GADL1: variants seen among roughly 807,000 people sequenced by gnomAD.
GADL1 encodes the protein GAD like acidic amino acid decarboxylase 1, also known as acidic amino acid decarboxylase GADL1.
In GADL1, 71 loss-of-function variants were observed where a neutral mutation model predicts 69.5. The observed-to-expected ratio is 1.02, with a 90% CI of 0.84 to 1.25. The LOEUF (loss-of-function observed/expected upper bound fraction) is 1.25, where lower values mean the gene tolerates loss of function less well. Among genes scored for constraint, GADL1 ranks in the 50% most tolerant of loss-of-function variants. GADL1 has a pLI of 0.00. For missense variants in GADL1, 737 were observed against 631.8 expected (o/e 1.17, Z -1.79); for synonymous variants, 254 against 214.4 (o/e 1.18, Z -1.62).
chr3:30,848,596 T>C (rs1181737351), intron 6 of GADL1, among the ~76,000 whole-genome samples: 1 of 152,018 alleles, frequency 6.6e-6, no homozygotes, highest in Non-Finnish European at 1.5e-5. Flanking sequence ...GCCAAGAACC[T>C]GGGTGATGAA....
At position 30,805,734 on chromosome 3, in the gene GADL1, C is replaced by CTTTTTTTTTTT. The variant is rs34788058; in HGVS notation, c.1051-4657_1051-4647dup. Among the ~76,000 whole-genome samples the CTTTTTTTTTTT allele has an allele frequency of 2.7e-4, 18 of 66,094 alleles. 1 individual carries two copies. The highest frequency in any genetic ancestry group is 1.3e-3 in the African/African-American group (15 of 11,838). 43.4% of individuals were successfully genotyped at this position (66,094 alleles called of 152,430 possible). A position where few individuals can be genotyped will look rare whatever the true frequency, so the allele number is the denominator to read the frequency against. ...ATTCTGTGCACCAGCAGTCCCCAGC[C>CTTTTTTTTTTT]TTTTTTTTTTTTTTTTTTTTTTTTG... On this transcript the variant is annotated intron_variant, in intron 11 of 14. Transcript: ENST00000282538.
intron 14 of GADL1, among the ~76,000 whole-genome samples, chr3:30,768,401 G>A (rs987835396): frequency 6.6e-6 from 1 of 152,018 alleles, no homozygotes; most frequent in African/African-American, 2.4e-5. Flanking sequence ...TGGTCCAAAG[G>A]GATGAGGAAA....
intron 14 of GADL1, among the ~76,000 whole-genome samples, chr3:30,753,792 A>G (rs1222698486): frequency 2.0e-5 from 3 of 152,226 alleles, no homozygotes; most frequent in African/African-American, 7.2e-5. Context: ...TGCAAGATTT[A>G]TCTAATTCAT....
At chr3:30,873,020 A>G (rs991764598) in intron 1 of GADL1, among the ~76,000 whole-genome samples, 2 of 151,892 alleles carry the variant, frequency 1.3e-5, no homozygotes, top group African/African-American at 4.8e-5. Context: ...CTTCCCATGT[A>G]TAATTCTGGA....
At chr3:30,833,808 G>T in intron 11 of GADL1, 45 bp downstream of exon 11, 1 of 1,396,670 alleles carries the variant, frequency 7.2e-7, no homozygotes, top group Non-Finnish European at 1.0e-6. Context: ...AAGCACAGTG[G>T]CTTAACCCCC....
At chr3:30,773,917 C>T (rs1289687194) in intron 14 of GADL1, among the ~76,000 whole-genome samples, 1 of 152,176 alleles carries the variant, frequency 6.6e-6, no homozygotes, top group African/African-American at 2.4e-5. Flanking sequence ...CAACAGTAGA[C>T]ATCAACATTA....
rs779560345 is a variant in GADL1 at position 30,849,977 on chromosome 3, T to A, written c.651+19A>T. The A allele has an allele frequency of 7.2e-7, 1 of 1,381,056 alleles. No individual in the cohort carries two copies. Among genetic ancestry groups the A allele is most frequent in the South Asian group, 1.2e-5 (1 of 85,062 alleles). 85.6% of individuals were successfully genotyped at this position (1,381,056 alleles called of 1,614,324 possible). A position where few individuals can be genotyped will look rare whatever the true frequency, so the allele number is the denominator to read the frequency against. On this transcript the variant is annotated intron_variant, in intron 6 of 14. Coordinates refer to ENST00000282538, the MANE Select transcript of GADL1 (RefSeq NM_207359.3). Reference sequence around the variant, plus strand: ...GCTTTCTCAGAAAATCTATATTCAATACCAAAAATAATTTTTACCTCTGCA... The same window carrying A: ...GCTTTCTCAGAAAATCTATATTCAAAACCAAAAATAATTTTTACCTCTGCA...
chr3:30,733,583 T>TTC (rs1246305681), intron 14 of GADL1, among the ~76,000 whole-genome samples: 4 of 149,564 alleles, frequency 2.7e-5, no homozygotes, highest in African/African-American at 1.0e-4. Flanking sequence ...TTCTTTTCCT[T>TTC]TTCTCCTTCC....
chr3:30,781,662 C>G (rs1696668218), intron 13 of GADL1, among the ~76,000 whole-genome samples: 1 of 152,200 alleles, frequency 6.6e-6, no homozygotes, highest in South Asian at 2.1e-4. Context: ...ATTTCAACTT[C>G]ATCAGATCTT....
chr3:30,768,877 G>A (rs1696350408), intron 14 of GADL1, among the ~76,000 whole-genome samples: 1 of 152,136 alleles, frequency 6.6e-6, no homozygotes, highest in South Asian at 2.1e-4. Context: ...TCATTTTCCA[G>A]CTGTGAACGA....
Position 30,879,668 on chromosome 3 carries a change from T to C in GADL1, c.37+14910A>G, listed in dbSNP as rs148355529. On this transcript the variant is annotated intron_variant, in intron 1 of 14. Transcript: ENST00000282538. Reference sequence around the variant, plus strand: ...GCACTCGTCTCTCTTGCTTAATCCTTCTTTCTCTTCTCATTGTCACTTCCT... The same window carrying C: ...GCACTCGTCTCTCTTGCTTAATCCTCCTTTCTCTTCTCATTGTCACTTCCT... Among the ~76,000 whole-genome samples, 64 of 152,030 alleles carry C rather than the reference T, an allele frequency of 4.2e-4. 1 individual carries two copies. The highest frequency in any genetic ancestry group is 6.6e-4 in the Non-Finnish European group (45 of 67,900).
intron 11 of GADL1, among the ~76,000 whole-genome samples, chr3:30,830,277 T>C (rs1300707339): frequency 6.6e-6 from 1 of 151,912 alleles, no homozygotes; most frequent in Non-Finnish European, 1.5e-5. Context: ...CTTATGACCA[T>C]ACTTCTGCAT....
intron 14 of GADL1, among the ~76,000 whole-genome samples, chr3:30,739,865 C>T (rs553381388): frequency 6.6e-6 from 1 of 152,188 alleles, no homozygotes; most frequent in South Asian, 2.1e-4. Context: ...AGAGTCTTTA[C>T]CATTAATGCT....
At chr3:30,769,930 A>G (rs78593498) in intron 14 of GADL1, among the ~76,000 whole-genome samples, 2 of 152,354 alleles carry the variant, frequency 1.3e-5, no homozygotes, top group East Asian at 3.9e-4. Flanking sequence ...AGGACTGACG[A>G]ATTTAGGTAA....
intron 14 of GADL1, among the ~76,000 whole-genome samples, chr3:30,763,507 C>CG (rs1199881775): frequency 8.0e-4 from 5 of 6,262 alleles, no homozygotes; most frequent in Non-Finnish European, 2.8e-3. Context: ...GTCTCGGCGG[C>CG]GGGGGGTGGG....
intron 14 of GADL1, among the ~76,000 whole-genome samples, chr3:30,730,554 T>C (rs111516655): frequency 2.0e-5 from 3 of 152,266 alleles, no homozygotes; most frequent in African/African-American, 7.2e-5. Context: ...TGGAGGGCCC[T>C]CTCATCATCA....
intron 1 of GADL1, among the ~76,000 whole-genome samples, chr3:30,878,342 T>A (rs1304296759): frequency 6.6e-6 from 1 of 152,058 alleles, no homozygotes; most frequent in Admixed American, 6.6e-5. Context: ...ATTTCTAAAA[T>A]CGTCCAGGAC....
intron 14 of GADL1, among the ~76,000 whole-genome samples, chr3:30,736,624 G>C (rs977344722): frequency 1.6e-4 from 24 of 152,128 alleles, no homozygotes; most frequent in Non-Finnish European, 1.0e-4. Flanking sequence ...TCTCCCCGAA[G>C]TGTCTAAACT....
At chr3:30,852,163 CCTA>C (rs1360284381) in intron 4 of GADL1, among the ~76,000 whole-genome samples, 1 of 152,130 alleles carries the variant, frequency 6.6e-6, no homozygotes, top group African/African-American at 2.4e-5. Context: ...CTATGTATCA[CCTA>C]CTATTTATCA....
Sources: gnomAD v4.1 joint callset for allele counts (sites outside exome capture counted in the v4.1 genomes callset) on GRCh38, gnomAD v4.1.1 for gene constraint, MANE v1.5 for transcripts, NCBI Gene and HGNC (gene_info 2026-07-23, HGNC 2026-07-21) for gene names.